CBR4: variants seen among roughly 807,000 people sequenced by gnomAD.
CBR4 encodes 3-oxoacyl-[acyl-carrier-protein] reductase.
A neutral mutation model predicts 21.0 loss-of-function variants in CBR4; 22 were observed. The ratio of observed to expected loss-of-function variants is 1.05; its 90% confidence interval spans 0.75 to 1.50. CBR4 has a LOEUF of 1.50. Ranked by LOEUF, CBR4 falls within the 40% of genes most tolerant of loss-of-function variation. The pLI is 0.00. For missense variants in CBR4, 302 were observed against 286.3 expected, an observed-to-expected ratio of 1.05 and a Z score of -0.40; for synonymous variants, 100 against 104.4, an observed-to-expected ratio of 0.96 and a Z score of 0.26.
intron 2 of CBR4, among the ~76,000 whole-genome samples, chr4:168,912,308 G>A (rs1057081103): frequency 1.3e-5 from 2 of 152,198 alleles, no homozygotes; most frequent in Non-Finnish European, 1.5e-5. Flanking sequence ...AACTCACTAA[G>A]TCTAATCATT....
chr4:168,967,203 G>A (rs1764067717), intron 2 of CBR4, among the ~76,000 whole-genome samples: 1 of 152,128 alleles, frequency 6.6e-6, no homozygotes. Context: ...CATGTCCTTT[G>A]CAGGGACATT....
chr4:168,903,530 T>C (rs1202021961), intron 2 of CBR4, among the ~76,000 whole-genome samples: 1 of 152,178 alleles, frequency 6.6e-6, no homozygotes, highest in East Asian at 1.9e-4. Context: ...AAGTGCAATA[T>C]TTTTAAAAAC....
At chr4:169,000,271 TTTC>T (rs1317521239) in intron 4 of CBR4, among the ~76,000 whole-genome samples, 15 of 152,184 alleles carry the variant, frequency 9.9e-5, no homozygotes, top group Admixed American at 1.3e-4. Flanking sequence ...TGGATTGTTT[TTTC>T]TTTTTCTTTC....
At chr4:168,917,344 G>A (rs547803866) in intron 2 of CBR4, among the ~76,000 whole-genome samples, 10 of 152,152 alleles carry the variant, frequency 6.6e-5, no homozygotes, top group South Asian at 4.2e-4. Context: ...CACCACACCC[G>A]GCCTACAGCA....
At chr4:168,952,055 T>G (rs1763557513) in intron 2 of CBR4, among the ~76,000 whole-genome samples, 1 of 152,198 alleles carries the variant, frequency 6.6e-6, no homozygotes, top group Non-Finnish European at 1.5e-5. Context: ...CACCAAATAT[T>G]CTTAGGTTTG....
At chr4:168,955,934 G>A (rs1763673077) in intron 2 of CBR4, among the ~76,000 whole-genome samples, 1 of 152,052 alleles carries the variant, frequency 6.6e-6, no homozygotes, top group Non-Finnish European at 1.5e-5. Flanking sequence ...TTGCTTGGCA[G>A]CTCCTTAATA....
chr4:168,989,032 T>G lies in CBR4; in HGVS notation c.*1118A>C. ...GGTATTTCACATTCGGTTTGTGTCT[T>G]TATCTCTACTCCCAGGCAAATATTC... On this transcript the variant is annotated 3_prime_UTR_variant, in exon 5 of 5. Coordinates refer to ENST00000306193, the MANE Select transcript of CBR4 (RefSeq NM_032783.5). 1 of 984,848 alleles carries G rather than the reference T, an allele frequency of 1.0e-6. No homozygotes were observed. Among genetic ancestry groups the G allele is most frequent in the Non-Finnish European group, 1.2e-6 (1 of 829,392 alleles). 61.0% of individuals were successfully genotyped at this position (984,848 alleles called of 1,614,324 possible).
At chr4:168,905,138 G>GTTTTTTGTTTTTT (rs1560894892) in intron 2 of CBR4, among the ~76,000 whole-genome samples, 5 of 34,540 alleles carry the variant, frequency 1.4e-4, no homozygotes, top group East Asian at 1.9e-3. Context: ...TGTTTTGTTG[G>GTTTTTTGTTTTTT]TTTTTTTTTT....
intron 2 of CBR4, among the ~76,000 whole-genome samples, chr4:168,963,492 T>C (rs952935096): frequency 5.5e-4 from 82 of 149,450 alleles, no homozygotes; most frequent in Middle Eastern, 3.5e-3. Flanking sequence ...TTTTTTGAGA[T>C]GGAGTCTCAC....
At chr4:168,960,802 G>C (rs1233618631) in intron 2 of CBR4, among the ~76,000 whole-genome samples, 1 of 152,220 alleles carries the variant, frequency 6.6e-6, no homozygotes, top group Non-Finnish European at 1.5e-5. Flanking sequence ...TGTTAGAAGA[G>C]AGAGTACCTC....
At chr4:168,985,282 C>T (rs1354148802), downstream of CBR4, among the ~76,000 whole-genome samples, 2 of 151,432 alleles carry the variant, frequency 1.3e-5, no homozygotes, top group Admixed American at 6.6e-5. Context: ...AACAAGCATA[C>T]GAAAAAATGC....
intron 2 of CBR4, among the ~76,000 whole-genome samples, chr4:168,978,298 T>C (rs532111282): frequency 1.1e-4 from 17 of 152,136 alleles, no homozygotes; most frequent in Middle Eastern, 3.2e-3. Context: ...TAACTGCAGA[T>C]CAAAAATATT....
chr4:169,006,812 A>G lies in CBR4; in HGVS notation c.343T>C (p.Cys115Arg). Residue 115 changes from cysteine to arginine, a missense_variant, in exon 3 of 5, where the codon TGT becomes CGT. Coordinates refer to ENST00000306193, the MANE Select transcript of CBR4 (RefSeq NM_032783.5). ...ATCATAGTCCTCATGGCAGCTTTAC[A>G]GGTCAGCATGGAACCCAAGAGGTTA... is the stretch of plus-strand genomic sequence containing the variant. The part of the protein sequence containing the change: ...HTNLLGSMLT[C>R]KAAMRTMIQQ... 6.2e-7 allele frequency: 1 copy of G among 1,613,726 alleles called. No individual in the cohort carries two copies.
intron 2 of CBR4, among the ~76,000 whole-genome samples, chr4:168,979,069 A>G (rs1029574001): frequency 1.3e-4 from 20 of 151,786 alleles, no homozygotes; most frequent in African/African-American, 4.6e-4. Flanking sequence ...CATGCCTTGC[A>G]GAAAAAGAGG....
intron 2 of CBR4, chr4:168,898,403 G>A (rs969491664): frequency 2.4e-6 from 2 of 817,926 alleles, no homozygotes; most frequent in Non-Finnish European, 4.3e-6. Flanking sequence ...AAATATCACT[G>A]TCTTCTAGGG....
intron 2 of CBR4, among the ~76,000 whole-genome samples, chr4:168,968,730 C>T (rs1764115637): frequency 6.6e-6 from 1 of 152,204 alleles, no homozygotes; most frequent in Non-Finnish European, 1.5e-5. Flanking sequence ...GGAATCACCA[C>T]ACTTCAGCCA....
At chr4:169,001,929 G>C in intron 4 of CBR4, 142 bp downstream of exon 4, 1 of 833,090 alleles carries the variant, frequency 1.2e-6, no homozygotes, top group Non-Finnish European at 1.7e-6. Flanking sequence ...ATTTTTTTGA[G>C]TCCCCCAGTT....
At chr4:169,009,790 A>G (rs146473373) in intron 1 of CBR4, among the ~76,000 whole-genome samples, 158 bp downstream of exon 1, 259 of 152,348 alleles carry the variant, frequency 1.7e-3, no homozygotes, top group African/African-American at 6.1e-3. Context: ...TTTCTGCACG[A>G]GACGCATTCT....
intron 2 of CBR4, among the ~76,000 whole-genome samples, chr4:168,959,634 C>T (rs1248835683): frequency 2.8e-5 from 4 of 143,956 alleles, no homozygotes; most frequent in Admixed American, 7.1e-5. Context: ...GGCATGACCT[C>T]GGCTCACTGC....
Sources: allele counts gnomAD v4.1 joint callset (sites outside exome capture counted in the v4.1 genomes callset), GRCh38; gene constraint gnomAD v4.1.1; transcripts MANE v1.5; gene names NCBI Gene and HGNC (gene_info 2026-07-23, HGNC 2026-07-21).